The following THAP10 variants were observed in gnomAD, a reference collection of about 807,000 sequenced individuals.
THAP10 encodes THAP domain containing 10.
A neutral mutation model predicts 15.7 loss-of-function variants in THAP10; 10 were observed. That is an observed-to-expected ratio of 0.64 (90% CI 0.39 to 1.08). The LOEUF is 1.08. THAP10 is among the 50% of genes least tolerant of loss of function. The pLI is 0.01. For missense variants in THAP10, 310 were observed against 330.9 expected (o/e 0.94, Z 0.49); for synonymous variants, 127 against 129.1 (o/e 0.98, Z 0.11).
Position 70,882,532 on chromosome 15 carries a change from T to C in THAP10, c.696A>G (p.Thr232=), listed in dbSNP as rs947780542. 1.9e-6 allele frequency: 3 copies of C among 1,613,850 alleles called. No homozygotes were observed. Among genetic ancestry groups the C allele is most frequent in the South Asian group, 2.2e-5 (2 of 91,090 alleles). The part of the protein sequence containing the change: ...LFDIYSSDSE[T]DTDWDIKSEQ... ...CACTCTTGATATCCCAGTCTGTATC[T>C]GTTTCTGAATCACTGGAGTAAATGT... Residue 232 remains threonine (T), a synonymous_variant, in exon 3 of 3, where the codon ACA becomes ACG. Coordinates refer to ENST00000249861, the MANE Select transcript of THAP10 (RefSeq NM_020147.4).
At chr15:70,889,799 T>G (rs1453338101) in intron 1 of THAP10, among the ~76,000 whole-genome samples, 4 of 152,140 alleles carry the variant, frequency 2.6e-5, no homozygotes, top group Non-Finnish European at 5.9e-5. Flanking sequence ...AATCTGATTT[T>G]TAGACAGTTA....
rs747553182 is a variant in THAP10, at chr15:70,882,827, A to C, written c.511T>G (p.Cys171Gly). 11 of 1,614,072 alleles carry C rather than the reference A, an allele frequency of 6.8e-6. No individual in the cohort carries two copies. The East Asian group carries it at 2.2e-4, about 33-fold the overall frequency. The change falls in exon 2 of 3, where the codon TGT (cysteine) becomes GGT (glycine). Residue 171 changes from cysteine (C) to glycine (G), a missense_variant. Coordinates refer to ENST00000249861, the MANE Select transcript of THAP10 (RefSeq NM_020147.4). The stretch of plus-strand genomic sequence containing the variant: ...CTTTTATGCACTGGGCCTTCTTCAC[A>C]GTGAGTAGGTACTGAAGTGACAGTA... The part of the protein sequence containing the change: ...SNTVTSVPTH[C>G]EEGPVHKSTQ...
intron 1 of THAP10, among the ~76,000 whole-genome samples, chr15:70,887,588 G>A (rs997842727): frequency 1.7e-4 from 26 of 151,844 alleles, no homozygotes; most frequent in African/African-American, 5.6e-4. Flanking sequence ...AAATAAAGGG[G>A]AACATTTCTT....
intron 1 of THAP10, among the ~76,000 whole-genome samples, chr15:70,883,405 G>C (rs1411096599): frequency 1.3e-5 from 2 of 152,020 alleles, no homozygotes; most frequent in East Asian, 3.9e-4. Context: ...TGTTAGCCAG[G>C]CTGGTCTCGA....
rs188880705 is a variant in THAP10, at chr15:70,891,485, G to A, written c.429+359C>T. Reference sequence around the variant, plus strand: ...CAGTTTCAAGCACTCCAATCCTGGAGATTTGCTCAAATTAAACCCTTTCTA... The same window carrying A: ...CAGTTTCAAGCACTCCAATCCTGGAAATTTGCTCAAATTAAACCCTTTCTA... On this transcript the variant is annotated intron_variant, in intron 1 of 2. Transcript: ENST00000249861. 3.0e-4 allele frequency among the ~76,000 whole-genome samples: 45 copies of A among 152,112 alleles called. 1 individual carries two copies. Among genetic ancestry groups the A allele is most frequent in the African/African-American group, 1.0e-3 (43 of 41,484 alleles).
At chr15:70,891,343 G>C (rs1009737834) in intron 1 of THAP10, among the ~76,000 whole-genome samples, 2 of 152,068 alleles carry the variant, frequency 1.3e-5, no homozygotes, top group Non-Finnish European at 2.9e-5. Flanking sequence ...GCTTGGGGTG[G>C]GAAGGGATTT....
intron 1 of THAP10, among the ~76,000 whole-genome samples, chr15:70,889,328 T>C (rs906031747): frequency 6.6e-6 from 1 of 151,734 alleles, no homozygotes; most frequent in East Asian, 1.9e-4. Context: ...ACACAGAAAA[T>C]GGCTACAGTA....
intron 2 of THAP10, 46 bp from the exon 3 acceptor site, chr15:70,882,696 T>C: frequency 1.2e-6 from 2 of 1,611,816 alleles, no homozygotes; most frequent in Non-Finnish European, 1.7e-6. Context: ...ACTTTGCTTT[T>C]CATATATCTT....
intron 1 of THAP10, among the ~76,000 whole-genome samples, chr15:70,890,511 G>C (rs2033526855): frequency 6.6e-6 from 1 of 152,246 alleles, no homozygotes; most frequent in African/African-American, 2.4e-5. Flanking sequence ...AAAGAAATCA[G>C]ACATGATCCT....
Position 70,882,310 on chromosome 15 carries a change from AC to A in THAP10, c.*143del, listed in dbSNP as rs2033282776. ...CTTCATTGTGTTGGCAAGCAAGCAAACTTTTGCCTTAGAGCTAAACAAATTA... is the reference window on the plus strand; with the variant it reads ...CTTCATTGTGTTGGCAAGCAAGCAAATTTTGCCTTAGAGCTAAACAAATTA... On this transcript the variant is annotated 3_prime_UTR_variant, in exon 3 of 3. Coordinates refer to ENST00000249861, the MANE Select transcript of THAP10 (RefSeq NM_020147.4). 2 of 668,422 alleles carry A rather than the reference AC, an allele frequency of 3.0e-6. No homozygotes were observed. The highest frequency in any genetic ancestry group is 1.8e-5 in the African/African-American group (1 of 55,648). The allele number at this position is 668,422 out of a possible 1,614,324, so 41.4% of individuals were successfully genotyped here.
chr15:70,885,765 C>T (rs952026878), intron 1 of THAP10, among the ~76,000 whole-genome samples: 3 of 152,076 alleles, frequency 2.0e-5, no homozygotes, highest in Non-Finnish European at 2.9e-5. Flanking sequence ...AATTCAAAAT[C>T]GCAGTGGAAG....
In THAP10 at chr15:70,882,747, G is replaced by A; in HGVS notation, c.577+14C>T. 6.2e-7 allele frequency: 1 copy of A among 1,613,796 alleles called. No individual in the cohort carries two copies. The highest frequency in any genetic ancestry group is 8.5e-7 in the Non-Finnish European group (1 of 1,179,892). On this transcript the variant is annotated intron_variant, in intron 2 of 2. Coordinates refer to ENST00000249861, the MANE Select transcript of THAP10 (RefSeq NM_020147.4). ...CAATTCAATTGCTTAATCCATTGAA[G>A]AGTCAAAACATACCCACACTACGGT...
At position 70,892,377 on chromosome 15, in the gene THAP10, C is replaced by T; in HGVS notation, c.-105G>A. 2.6e-6 allele frequency: 4 copies of T among 1,546,510 alleles called. No homozygotes were observed. Among genetic ancestry groups the T allele is most frequent in the Non-Finnish European group, 3.5e-6 (4 of 1,146,712 alleles). The stretch of plus-strand genomic sequence containing the variant: ...GGCAAGTCCTCCCCTCCTCACCTGT[C>T]CACTCCGGGTCGGGATTGTTTCCTT... On this transcript the variant is annotated 5_prime_UTR_variant, in exon 1 of 3. Transcript: ENST00000249861.
rs765345596 is a variant in THAP10, at chr15:70,892,346, C to A, written c.-74G>T. ...TTGGGCACGCTCCTCGCAGCGGCCTCGGCGAGGCAAGTCCTCCCCTCCTCA... is the reference window on the plus strand; with the variant it reads ...TTGGGCACGCTCCTCGCAGCGGCCTAGGCGAGGCAAGTCCTCCCCTCCTCA... On this transcript the variant is annotated 5_prime_UTR_variant, in exon 1 of 3. Transcript: ENST00000249861. The A allele has an allele frequency of 6.5e-7, 1 of 1,548,654 alleles. No individual in the cohort carries two copies. Among genetic ancestry groups the A allele is most frequent in the African/African-American group, 1.4e-5 (1 of 73,032 alleles).
chr15:70,889,411 T>C (rs990058244), intron 1 of THAP10, among the ~76,000 whole-genome samples: 1 of 152,022 alleles, frequency 6.6e-6, no homozygotes, highest in Non-Finnish European at 1.5e-5. Flanking sequence ...GGGGAGGGGC[T>C]GGATATGGGG....
chr15:70,891,565 C>CTGTGTGTGTG (rs1491474980), intron 1 of THAP10, among the ~76,000 whole-genome samples: 5 of 118,952 alleles, frequency 4.2e-5, no homozygotes, highest in South Asian at 3.0e-4. Context: ...CAGGACAAGA[C>CTGTGTGTGTG]TCTGTGTGTG....
chr15:70,882,479 A>G lies in THAP10; in HGVS notation c.749T>C (p.Val250Ala), dbSNP rs1595978628. The change falls in exon 3 of 3, where the codon GTA becomes GCA. Residue 250 changes from valine (V) to alanine (A), a missense_variant. Coordinates refer to ENST00000249861, the MANE Select transcript of THAP10 (RefSeq NM_020147.4). ...TTAACATGTTTCTTCTTTCACCTGTACAGCCATATAAGACAAATCACTCTG... is the reference window on the plus strand; with the variant it reads ...TTAACATGTTTCTTCTTTCACCTGTGCAGCCATATAAGACAAATCACTCTG... The part of the protein sequence containing the change: ...SEQSDLSYMA[V>A]QVKEETC The G allele has an allele frequency of 1.9e-6, 3 of 1,612,964 alleles. No individual in the cohort carries two copies. The Admixed American group carries it at 5.0e-5, about 27-fold the overall frequency.
intron 1 of THAP10, among the ~76,000 whole-genome samples, chr15:70,884,331 G>A (rs938116574): frequency 6.6e-6 from 1 of 151,982 alleles, no homozygotes. Context: ...TCAGGAGTTC[G>A]AGATCAGCCT....
chr15:70,884,051 G>A (rs1387130587), intron 1 of THAP10, among the ~76,000 whole-genome samples: 1 of 152,166 alleles, frequency 6.6e-6, no homozygotes, highest in Non-Finnish European at 1.5e-5. Context: ...GGTACCTAGA[G>A]ATTATGTGGA....
Sources: allele counts gnomAD v4.1 joint callset (sites outside exome capture counted in the v4.1 genomes callset), GRCh38; gene constraint gnomAD v4.1.1; transcripts MANE v1.5; gene names NCBI Gene and HGNC (gene_info 2026-07-23, HGNC 2026-07-21).